Variants in HDAC4 observed in about 807,000 individuals in gnomAD.
HDAC4 encodes histone deacetylase 4.
In HDAC4, 16 loss-of-function variants were observed where a neutral mutation model predicts 135.1. The observed-to-expected ratio is 0.12, with a 90% CI of 0.08 to 0.18. The LOEUF is 0.18. Ranked by LOEUF, HDAC4 falls within the 10% of genes least tolerant of loss-of-function variation. HDAC4 has a pLI of 1.00. For missense variants in HDAC4, 1,143 were observed against 1,511.8 expected (o/e 0.76, Z 4.05); for synonymous variants, 685 against 653.4 (o/e 1.05, Z -0.74).
intron 12 of HDAC4, among the ~76,000 whole-genome samples, chr2:239,125,609 G>A (rs548024571): frequency 6.6e-6 from 1 of 152,316 alleles, no homozygotes; most frequent in Admixed American, 6.5e-5. Context: ...GGGGCCATGT[G>A]GTGGCTGTGT....
rs1019540819 is a variant in HDAC4 at position 239,308,331 on chromosome 2, G to C, written c.22+44347C>G. The stretch of plus-strand genomic sequence containing the variant: ...GCCCCCTGGTGACACGGGACAAGAG[G>C]ATAACCTGCTTGGTACTCAGCAACA... On this transcript the variant is annotated intron_variant, in intron 2 of 26. Coordinates refer to ENST00000543185, the MANE Select transcript of HDAC4 (RefSeq NM_001378414.1). The surrounding 1 kb of genome is among the most constrained non-coding windows in gnomAD (Gnocchi z 4.2). 6.6e-6 allele frequency among the ~76,000 whole-genome samples: 1 copy of C among 152,138 alleles called. No homozygotes were observed. The highest frequency in any genetic ancestry group is 1.5e-5 in the Non-Finnish European group (1 of 68,018).
chr2:239,236,339 C>T (rs1365992118), intron 3 of HDAC4, among the ~76,000 whole-genome samples: 3 of 152,120 alleles, frequency 2.0e-5, no homozygotes, highest in Non-Finnish European at 4.4e-5. Context: ...GGGAAGAACA[C>T]ATCCTTTAGC....
At chr2:239,325,044 A>T (rs1308444379) in intron 2 of HDAC4, among the ~76,000 whole-genome samples, 3 of 152,258 alleles carry the variant, frequency 2.0e-5, no homozygotes, top group Non-Finnish European at 2.9e-5. Context: ...CCACAGGCAA[A>T]GGAATGAAGT....
At chr2:239,321,885 C>T (rs987561737) in intron 2 of HDAC4, among the ~76,000 whole-genome samples, 2 of 152,144 alleles carry the variant, frequency 1.3e-5, no homozygotes, top group African/African-American at 4.8e-5. Context: ...GTCTTCACTG[C>T]GAGTCGTCCA....
intron 3 of HDAC4, among the ~76,000 whole-genome samples, chr2:239,235,578 A>T (rs1302959394): frequency 3.3e-5 from 5 of 152,190 alleles, no homozygotes; most frequent in Non-Finnish European, 7.3e-5. Flanking sequence ...GCCCCACGCC[A>T]TCAGGAGGTT....
intron 8 of HDAC4, among the ~76,000 whole-genome samples, chr2:239,142,408 G>A (rs1024597437): frequency 5.3e-5 from 8 of 152,154 alleles, no homozygotes; most frequent in African/African-American, 9.7e-5. Context: ...CCTCCCCATC[G>A]TGGCAGCTCC....
At chr2:239,150,169 TAAC>T (rs968190882) in intron 7 of HDAC4, among the ~76,000 whole-genome samples, 1 of 152,086 alleles carries the variant, frequency 6.6e-6, no homozygotes, top group Non-Finnish European at 1.5e-5. Context: ...GTATTTTTGT[TAAC>T]AAGACAACTC....
chr2:239,187,403 A>G (rs1239436859), intron 4 of HDAC4, among the ~76,000 whole-genome samples: 1 of 152,222 alleles, frequency 6.6e-6, no homozygotes, highest in Non-Finnish European at 1.5e-5. Flanking sequence ...CAAAAACTAA[A>G]TAAAACGAGT....
intron 2 of HDAC4, among the ~76,000 whole-genome samples, chr2:239,323,820 C>T (rs1331403556): frequency 6.6e-6 from 1 of 152,116 alleles, no homozygotes; most frequent in Non-Finnish European, 1.5e-5. Context: ...GGAAAAAACG[C>T]TGCCACTCAA....
At chr2:239,088,830 CACT>C (rs1324884554) in intron 18 of HDAC4, among the ~76,000 whole-genome samples, 1 of 152,164 alleles carries the variant, frequency 6.6e-6, no homozygotes, top group Non-Finnish European at 1.5e-5. Context: ...CTGGCTCTCT[CACT>C]ACTTATAAGA....
Position 239,400,244 on chromosome 2 carries a change from C to T in HDAC4, c.-220+734G>A, listed in dbSNP as rs1696869466. 6.6e-6 allele frequency: 1 copy of T among 151,486 alleles called. No homozygotes were observed. Among genetic ancestry groups the T allele is most frequent in the South Asian group, 2.1e-4 (1 of 4,832 alleles). The allele number at this position is 151,486 out of a possible 1,614,324, so 9.4% of individuals were successfully genotyped here. A position where few individuals can be genotyped will look rare whatever the true frequency, so the allele number is the denominator to read the frequency against. On this transcript the variant is annotated intron_variant, in intron 1 of 26. Coordinates refer to ENST00000543185, the MANE Select transcript of HDAC4 (RefSeq NM_001378414.1). The surrounding 1 kb of genome is among the most constrained non-coding windows in gnomAD (Gnocchi z 4.7). ...GGGCGCTCGCAGCGGCGACGACAAGCGCGGGGCCGCGGACCCCCGGCAGGG... is the reference window on the plus strand; with the variant it reads ...GGGCGCTCGCAGCGGCGACGACAAGTGCGGGGCCGCGGACCCCCGGCAGGG...
intron 2 of HDAC4, among the ~76,000 whole-genome samples, chr2:239,268,843 A>T (rs1300509286): frequency 1.3e-5 from 2 of 152,218 alleles, no homozygotes. Context: ...AGGGGACCTT[A>T]GGGCACCAGG....
At chr2:239,289,654 T>C (rs975271978) in intron 2 of HDAC4, among the ~76,000 whole-genome samples, 3 of 152,228 alleles carry the variant, frequency 2.0e-5, no homozygotes, top group African/African-American at 7.2e-5. Context: ...CCTCAGCCAC[T>C]GTGTTGGGCA....
At chr2:239,194,214 A>T (rs2045210138) in intron 3 of HDAC4, among the ~76,000 whole-genome samples, 1 of 152,164 alleles carries the variant, frequency 6.6e-6, no homozygotes, top group African/African-American at 2.4e-5. Context: ...CATCTGGATA[A>T]CCTACACAAC....
At chr2:239,206,339 A>C (rs1448232544) in intron 3 of HDAC4, among the ~76,000 whole-genome samples, 1 of 152,112 alleles carries the variant, frequency 6.6e-6, no homozygotes, top group African/African-American at 2.4e-5. Flanking sequence ...AAAAAAAAGA[A>C]AGTAATTAAA....
chr2:239,080,401 T>C (rs1049711963), intron 22 of HDAC4, among the ~76,000 whole-genome samples: 1 of 152,202 alleles, frequency 6.6e-6, no homozygotes. Context: ...TGGGAACCGA[T>C]GTGGGCTGTG....
rs563289167 is a variant in HDAC4, at chr2:239,147,130, T to C, written c.734-2416A>G. Reference sequence around the variant, plus strand: ...TTGGATGCGGGGCTCGGGGAGGGGATTGAGCAGCAGCACGTGGACCAGGAG... The same window carrying C: ...TTGGATGCGGGGCTCGGGGAGGGGACTGAGCAGCAGCACGTGGACCAGGAG... On this transcript the variant is annotated intron_variant, in intron 7 of 26. Coordinates refer to ENST00000543185, the MANE Select transcript of HDAC4 (RefSeq NM_001378414.1). 6.2e-4 allele frequency among the ~76,000 whole-genome samples: 95 copies of C among 152,248 alleles called. No homozygotes were observed. The South Asian group carries it at 0.018, about 29-fold the overall frequency.
At chr2:239,271,531 T>C (rs867088983) in intron 2 of HDAC4, among the ~76,000 whole-genome samples, 14 of 152,160 alleles carry the variant, frequency 9.2e-5, no homozygotes, top group East Asian at 1.9e-4. Context: ...ATCTTGGTGA[T>C]TGTGTTTAGG....
At chr2:239,350,527 C>T (rs533531331) in intron 2 of HDAC4, among the ~76,000 whole-genome samples, 19 of 151,056 alleles carry the variant, frequency 1.3e-4, no homozygotes, top group South Asian at 4.2e-4. Context: ...TTTTTTGAGA[C>T]GGAGTCTTGC....
Sources: gnomAD v4.1 joint callset for allele counts (sites outside exome capture counted in the v4.1 genomes callset) on GRCh38, gnomAD v4.1.1 for gene constraint, Gnocchi (gnomAD v3.1) non-coding constraint, MANE v1.5 for transcripts, NCBI Gene and HGNC (gene_info 2026-07-23, HGNC 2026-07-21) for gene names.